The following CRLF1 variants were observed in gnomAD, a reference collection of about 807,000 sequenced individuals.
The protein encoded by CRLF1 is cytokine receptor-like factor 1.
In CRLF1, 36 loss-of-function variants were observed where a neutral mutation model predicts 48.9. The ratio of observed to expected loss-of-function variants is 0.74; its 90% CI spans 0.56 to 0.97. The LOEUF (loss-of-function observed/expected upper bound fraction) is 0.97, where lower values mean the gene tolerates loss of function less well. Among genes scored for constraint, CRLF1 ranks in the 50% least tolerant of loss-of-function variants. The probability of loss-of-function intolerance (pLI) is 0.00; values close to 1 mark genes in which losing one functional copy is unlikely to be tolerated. For missense variants in CRLF1, 534 were observed against 575.1 expected, an observed-to-expected ratio of 0.93 and a Z score of 0.73; for synonymous variants, 256 against 253.4, an observed-to-expected ratio of 1.01 and a Z score of -0.10.
chr19:18,605,053 G>A (rs983768176), intron 1 of CRLF1, among the ~76,000 whole-genome samples: 3 of 152,144 alleles, frequency 2.0e-5, no homozygotes, highest in African/African-American at 7.2e-5. Context: ...CAGGTGCTAA[G>A]ACACACCGTA....
intron 6 of CRLF1, among the ~76,000 whole-genome samples, chr19:18,595,511 A>G (rs1976121032): frequency 6.6e-6 from 1 of 152,184 alleles, no homozygotes; most frequent in Non-Finnish European, 1.5e-5. Flanking sequence ...GTGACCTCCT[A>G]GAGCCTCAGT....
At position 18,593,580 on chromosome 19, in the gene CRLF1, C is replaced by T; in HGVS notation, c.1256-1G>A. 2 of 1,609,170 alleles carry T rather than the reference C, an allele frequency of 1.2e-6. No homozygotes were observed. The highest frequency in any genetic ancestry group is 1.7e-6 in the Non-Finnish European group (2 of 1,178,246). On this transcript the variant is annotated splice_acceptor_variant, in intron 8 of 8. Coordinates refer to ENST00000392386, the MANE Select transcript of CRLF1 (RefSeq NM_004750.5). LOFTEE classifies it high-confidence loss of function. ...GCCCCTACAGCTTATCTGGCAGGAC[C>T]TGCAGGCAGAGGGGAAGCCAAGCTA... is the stretch of plus-strand genomic sequence containing the variant.
intron 6 of CRLF1, among the ~76,000 whole-genome samples, chr19:18,596,350 C>T (rs541859526): frequency 4.3e-4 from 66 of 152,108 alleles, no homozygotes; most frequent in Non-Finnish European, 8.2e-4. Context: ...ACCAGCCTGG[C>T]CAACATGGTG....
Position 18,599,730 on chromosome 19 carries a change from G to A in CRLF1, c.232C>T (p.Leu78Phe). 1 of 1,606,056 alleles carries A rather than the reference G, an allele frequency of 6.2e-7. No individual in the cohort carries two copies. The highest frequency in any genetic ancestry group is 8.5e-7 in the Non-Finnish European group (1 of 1,176,572). The change falls in exon 2 of 9, where the codon CTC (leucine) becomes TTC (phenylalanine). Residue 78 changes from leucine to phenylalanine, a missense_variant. By Grantham distance (22) the Leu-to-Phe change is conservative. Coordinates refer to ENST00000392386, the MANE Select transcript of CRLF1 (RefSeq NM_004750.5). ...TCAGGGGGCAGGCGGCGCCCGTTGA[G>A]GGTCCAGTAGAGGCCCTCGGCGGTG... is the stretch of plus-strand genomic sequence containing the variant. ...GATAEGLYWTLNGRRLPPELS... is the reference protein window; with the variant it reads ...GATAEGLYWTFNGRRLPPELS...
At chr19:18,598,095 C>A (rs1338960295) in intron 4 of CRLF1, among the ~76,000 whole-genome samples, 1 of 152,166 alleles carries the variant, frequency 6.6e-6, no homozygotes, top group Non-Finnish European at 1.5e-5. Flanking sequence ...AGCTCCAGGC[C>A]TCGGCTTCCT....
intron 4 of CRLF1, among the ~76,000 whole-genome samples, chr19:18,597,270 C>T (rs996725981): frequency 1.3e-5 from 2 of 152,176 alleles, no homozygotes; most frequent in South Asian, 2.1e-4. Context: ...TTATCTGTGA[C>T]GGGAGAAACA....
At chr19:18,594,029 T>TGCGG in intron 8 of CRLF1, 36 bp downstream of exon 8, 1 of 1,366,650 alleles carries the variant, frequency 7.3e-7, no homozygotes, top group Non-Finnish European at 1.0e-6. Flanking sequence ...GCCCTCCCCT[T>TGCGG]GCTCCCTCCC....
chr19:18,600,229 C>A (rs149752258), intron 1 of CRLF1, among the ~76,000 whole-genome samples: 2,614 of 151,244 alleles, frequency 0.017, 30 homozygotes, highest in Middle Eastern at 0.055. Flanking sequence ...GACGGAGTCT[C>A]GCTCTGTCGC....
chr19:18,605,000 C>T (rs1363230649), intron 1 of CRLF1, among the ~76,000 whole-genome samples: 1 of 152,174 alleles, frequency 6.6e-6, no homozygotes, highest in East Asian at 1.9e-4. Context: ...TCTCCCGTCC[C>T]GCTGGTACCT....
chr19:18,596,131 A>G (rs986187679), intron 6 of CRLF1, among the ~76,000 whole-genome samples: 1 of 152,192 alleles, frequency 6.6e-6, no homozygotes, highest in Admixed American at 6.5e-5. Flanking sequence ...AATTTCTACT[A>G]GTTGGTCAAA....
At chr19:18,605,535 T>TGTCGGG (rs1198321195) in intron 1 of CRLF1, among the ~76,000 whole-genome samples, 1 of 152,186 alleles carries the variant, frequency 6.6e-6, no homozygotes, top group African/African-American at 2.4e-5. Flanking sequence ...GGGATGTGTG[T>TGTCGGG]GACCGTGAAT....
chr19:18,599,535 A>G, intron 2 of CRLF1, 30 bp downstream of exon 2: 1 of 1,611,424 alleles, frequency 6.2e-7, no homozygotes, highest in Non-Finnish European at 8.5e-7. Flanking sequence ...CCCAAGAGCT[A>G]CCCCTGGGGT....
At chr19:18,603,297 C>A (rs867376151) in intron 1 of CRLF1, among the ~76,000 whole-genome samples, 15 of 152,174 alleles carry the variant, frequency 9.9e-5, no homozygotes, top group African/African-American at 3.6e-4. Context: ...GACAGAGCAG[C>A]GGCAGAAGCT....
intron 2 of CRLF1, 128 bp downstream of exon 2, chr19:18,599,437 A>T: frequency 7.4e-7 from 1 of 1,344,056 alleles, no homozygotes; most frequent in Non-Finnish European, 1.0e-6. Flanking sequence ...CACCTGAAAG[A>T]CCTGCATAGC....
At position 18,594,104 on chromosome 19, in the gene CRLF1, C is replaced by T; in HGVS notation, c.1216G>A (p.Glu406Lys). The change falls in exon 8 of 9, where the codon GAG (glutamate) becomes AAG (lysine). Residue 406 changes from glutamate to lysine, a missense_variant. Transcript: ENST00000392386. ...QKSHKTRNQD[E>K]GILPSGRRGT... is the part of the protein sequence containing the mutation. ...CGTCTGCCCGAGGGCAGGATCCCCT[C>T]GTCCTGTGCTTGGAAGGAAGGCAGA... is the stretch of plus-strand genomic sequence containing the variant. 1 of 1,574,282 alleles carries T rather than the reference C, an allele frequency of 6.4e-7. No homozygotes were observed. Among genetic ancestry groups the T allele is most frequent in the Non-Finnish European group, 8.6e-7 (1 of 1,160,500 alleles).
rs1976150961 is a variant in CRLF1 at position 18,597,188 on chromosome 19, T to C, written c.698-139A>G. ...TTCCCTCTGCCCCCACCCCCAGGAC[T>C]GGTGGATTACACGATATATAATATT... On this transcript the variant is annotated intron_variant, in intron 4 of 8. Coordinates refer to ENST00000392386, the MANE Select transcript of CRLF1 (RefSeq NM_004750.5). 3 of 809,238 alleles carry C rather than the reference T, an allele frequency of 3.7e-6. No individual in the cohort carries two copies. The Admixed American group carries it at 9.2e-5, about 25-fold the overall frequency. 50.1% of individuals were successfully genotyped at this position (809,238 alleles called of 1,614,324 possible). A position where few individuals can be genotyped will look rare whatever the true frequency, so the allele number is the denominator to read the frequency against.
Position 18,598,867 on chromosome 19 carries a change from C to T in CRLF1, c.432G>A (p.Trp144Ter). The T allele has an allele frequency of 6.2e-7, 1 of 1,613,988 alleles. No homozygotes were observed. Among genetic ancestry groups the T allele is most frequent in the Non-Finnish European group, 8.5e-7 (1 of 1,179,990 alleles). ...PPEKPVNISC[W>*]SKNMKDLTCR... ...AGGTCAAGTCCTTCATGTTCTTGGA[C>T]CAGCAGCTGATGTTGACGGGTTTCT... The change falls in exon 3 of 9, where the codon TGG becomes TGA. Residue 144 changes from tryptophan to a stop codon, truncating the protein, a stop_gained. Transcript: ENST00000392386. LOFTEE classifies it high-confidence loss of function.
At chr19:18,602,038 C>T (rs953326643) in intron 1 of CRLF1, among the ~76,000 whole-genome samples, 1 of 152,214 alleles carries the variant, frequency 6.6e-6, no homozygotes, top group Non-Finnish European at 1.5e-5. Context: ...CTCTTTGTCT[C>T]CTGGGGTATT....
chr19:18,606,580 A>G lies in CRLF1; in HGVS notation c.77T>C (p.Leu26Pro), dbSNP rs1568443883. 4.2e-6 allele frequency: 3 copies of G among 706,186 alleles called. No homozygotes were observed. The highest frequency in any genetic ancestry group is 3.4e-6 in the Non-Finnish European group (2 of 583,138). The allele number at this position is 706,186 out of a possible 1,614,324, so 43.7% of individuals were successfully genotyped here. A position where few individuals can be genotyped will look rare whatever the true frequency, so the allele number is the denominator to read the frequency against. The change falls in exon 1 of 9, where the codon CTC (leucine) becomes CCC (proline). Residue 26 changes from leucine to proline, a missense_variant. Physicochemically the swap from Leu to Pro is moderately conservative, Grantham distance 98. This residue lies in a region of CRLF1 where 528 missense variants were observed against 555.7 expected (regional missense o/e 0.95). Transcript: ENST00000392386. The surrounding 1 kb of genome is among the most constrained non-coding windows in gnomAD (Gnocchi z 4.8). ...GGCTCGCGGCGCCCCGAGGACGCAG[A>G]GCAGCAGCAGCAGGGGCAGCAACGG... ...PPPLLPLLLL[L>P]CVLGAPRAGS...
Sources: gnomAD v4.1 joint callset for allele counts (sites outside exome capture counted in the v4.1 genomes callset) on GRCh38, gnomAD v4.1.1 for gene constraint, gnomAD v4.1.1 regional missense constraint, Gnocchi (gnomAD v3.1) non-coding constraint, MANE v1.5 for transcripts, NCBI Gene and HGNC (gene_info 2026-07-23, HGNC 2026-07-21) for gene names.